The following TRPC4AP variants were observed in gnomAD, a reference collection of about 807,000 sequenced individuals.
TRPC4AP encodes short transient receptor potential channel 4-associated protein.
Under a neutral mutation model 99.0 loss-of-function variants are expected in TRPC4AP, and 45 were observed. The ratio of observed to expected loss-of-function variants is 0.45; its 90% confidence interval spans 0.36 to 0.58. TRPC4AP has a LOEUF of 0.58. TRPC4AP is among the 20% of genes least tolerant of loss of function. The pLI is 0.00. For missense variants in TRPC4AP, 879 were observed against 985.3 expected, an observed-to-expected ratio of 0.89 and a Z score of 1.44; for synonymous variants, 408 against 385.8, an observed-to-expected ratio of 1.06 and a Z score of -0.67.
intron 11 of TRPC4AP, 23 bp downstream of exon 11, chr20:35,012,985 T>C (rs2082673453): frequency 6.2e-7 from 1 of 1,613,680 alleles, no homozygotes; most frequent in African/African-American, 1.3e-5. Context: ...CAACTCTCCT[T>C]GCAGGGACAC....
chr20:35,013,532 C>T (rs758867279), intron 10 of TRPC4AP, among the ~76,000 whole-genome samples: 10 of 152,142 alleles, frequency 6.6e-5, no homozygotes, highest in African/African-American at 2.4e-4. Context: ...GAGCCGAGAT[C>T]GCACCACTGA....
At chr20:35,045,191 T>C (rs1173816462) in intron 6 of TRPC4AP, among the ~76,000 whole-genome samples, 1 of 152,224 alleles carries the variant, frequency 6.6e-6, no homozygotes. Flanking sequence ...CTGTGTTTAT[T>C]ATTCCCGTGC....
intron 13 of TRPC4AP, 99 bp downstream of exon 13, chr20:35,008,565 G>A (rs1335415772): frequency 2.0e-5 from 20 of 985,406 alleles, no homozygotes; most frequent in Non-Finnish European, 3.1e-5. Context: ...GCTTCAGGAG[G>A]CATGGACGCT....
At chr20:35,060,480 A>T (rs1297526103) in intron 3 of TRPC4AP, among the ~76,000 whole-genome samples, 1 of 150,150 alleles carries the variant, frequency 6.7e-6, no homozygotes, top group Non-Finnish European at 1.5e-5. Context: ...AGTCCCAGCT[A>T]CTCAGGAGGC....
chr20:35,013,195 A>G (rs922345991), intron 10 of TRPC4AP, 129 bp from the exon 11 acceptor site: 2 of 795,216 alleles, frequency 2.5e-6, no homozygotes, highest in African/African-American at 3.4e-5. Context: ...ACTTTTCTTT[A>G]GTTAGAAAAC....
chr20:35,006,044 G>A (rs79965102), intron 15 of TRPC4AP, among the ~76,000 whole-genome samples: 5,326 of 152,288 alleles, frequency 0.035, 138 homozygotes, highest in Non-Finnish European at 0.054. Context: ...CAAGGGTGCT[G>A]GATTCCTTTA....
intron 6 of TRPC4AP, among the ~76,000 whole-genome samples, chr20:35,048,760 T>C (rs759464119): frequency 3.3e-5 from 5 of 152,218 alleles, no homozygotes; most frequent in Admixed American, 2.6e-4. Context: ...TAGACTCCTA[T>C]GCTGAGACTG....
At position 35,048,210 on chromosome 20, in the gene TRPC4AP, C is replaced by CTTT. The variant is rs1487171166; in HGVS notation, c.657+1655_657+1656insAAA. Among the ~76,000 whole-genome samples the CTTT allele has an allele frequency of 1.6e-4, 15 of 91,432 alleles. 6 individuals carry two copies. Among genetic ancestry groups the CTTT allele is most frequent in the Admixed American group, 3.1e-4 (2 of 6,442 alleles). 60.0% of individuals were successfully genotyped at this position (91,432 alleles called of 152,430 possible). On this transcript the variant is annotated intron_variant, in intron 6 of 18. Coordinates refer to ENST00000252015, the MANE Select transcript of TRPC4AP (RefSeq NM_015638.3). ...TTTTTCATGCTGATTTGTAAGAATT[C>CTTT]TGTTTTTTTTTTTTTTTTTGAGAGG...
At chr20:35,015,983 CT>C (rs781214058) in intron 10 of TRPC4AP, 24 bp downstream of exon 10, 1 of 1,613,882 alleles carries the variant, frequency 6.2e-7, no homozygotes, top group South Asian at 1.1e-5. Context: ...GAGGCCCCAT[CT>C]GTCCCCGGGG....
chr20:35,063,185 C>G (rs995393737), intron 3 of TRPC4AP, among the ~76,000 whole-genome samples: 5 of 152,350 alleles, frequency 3.3e-5, no homozygotes, highest in African/African-American at 1.2e-4. Context: ...TCCTGCTGCC[C>G]TGTGAAGAAG....
intron 1 of TRPC4AP, among the ~76,000 whole-genome samples, chr20:35,086,537 G>GTATATATATC (rs1289641922): frequency 1.5e-5 from 1 of 65,038 alleles, no homozygotes; most frequent in Non-Finnish European, 2.7e-5. Context: ...GTGTGTGTGT[G>GTATATATATC]TGTGTGTGTG....
rs78434747 is a variant in TRPC4AP at position 35,049,256 on chromosome 20, G to GT, written c.657+609dup. Among the ~76,000 whole-genome samples, 510 of 139,856 alleles carry GT rather than the reference G, an allele frequency of 3.6e-3. 2 individuals carry two copies. Among genetic ancestry groups the GT allele is most frequent in the East Asian group, 7.7e-3 (37 of 4,812 alleles). The allele number at this position is 139,856 out of a possible 152,430, so 91.8% of individuals were successfully genotyped here. A position where few individuals can be genotyped will look rare whatever the true frequency, so the allele number is the denominator to read the frequency against. ...TTTAGTTTTCATTTCGATCATAGCT[G>GT]TTTTTTTTTTTTTTTAAAGTTATGG... On this transcript the variant is annotated intron_variant, in intron 6 of 18. Coordinates refer to ENST00000252015, the MANE Select transcript of TRPC4AP (RefSeq NM_015638.3).
At chr20:35,026,314 A>G (rs1483000247) in intron 8 of TRPC4AP, among the ~76,000 whole-genome samples, 1 of 151,856 alleles carries the variant, frequency 6.6e-6, no homozygotes, top group Non-Finnish European at 1.5e-5. Context: ...TCCTGGGCTC[A>G]AGCTACCCTC....
At chr20:35,091,575 G>GA (rs1260760836) in intron 1 of TRPC4AP, among the ~76,000 whole-genome samples, 1 of 151,892 alleles carries the variant, frequency 6.6e-6, no homozygotes, top group East Asian at 1.9e-4. Context: ...AACTTTTTAT[G>GA]AAAAAGCTGT....
intron 11 of TRPC4AP, among the ~76,000 whole-genome samples, chr20:35,012,706 G>C (rs1262638461): frequency 6.6e-6 from 1 of 152,226 alleles, no homozygotes; most frequent in East Asian, 1.9e-4. Context: ...TCTTGCTTTA[G>C]AGGGGCAGTA....
At chr20:35,084,480 GTA>G (rs1280026504) in intron 1 of TRPC4AP, among the ~76,000 whole-genome samples, 6 of 118,766 alleles carry the variant, frequency 5.1e-5, no homozygotes, top group Non-Finnish European at 9.3e-5. Flanking sequence ...GTATATATGT[GTA>G]TATATGTATA....
chr20:35,076,222 A>C (rs1461548599), intron 2 of TRPC4AP, among the ~76,000 whole-genome samples: 1 of 136,128 alleles, frequency 7.3e-6, no homozygotes, highest in Non-Finnish European at 1.5e-5. Context: ...TTTAGCTCGG[A>C]GAAGTTTGTT....
intron 1 of TRPC4AP, among the ~76,000 whole-genome samples, chr20:35,086,731 T>C (rs1047544389): frequency 1.3e-5 from 2 of 151,926 alleles, no homozygotes; most frequent in African/African-American, 4.8e-5. Flanking sequence ...TAATGAAATT[T>C]TTTTTAAAAG....
At chr20:35,006,660 T>A in intron 14 of TRPC4AP, 85 bp from the exon 15 acceptor site, 1 of 1,527,438 alleles carries the variant, frequency 6.5e-7, no homozygotes, top group East Asian at 2.3e-5. Context: ...GCATTGGCTT[T>A]GAGCAAGCAT....
Sources: allele counts gnomAD v4.1 joint callset (sites outside exome capture counted in the v4.1 genomes callset), GRCh38; gene constraint gnomAD v4.1.1; transcripts MANE v1.5; gene names NCBI Gene and HGNC (gene_info 2026-07-23, HGNC 2026-07-21).